The following CADM2 variants were observed in gnomAD, a reference collection of about 807,000 sequenced individuals.
CADM2 encodes the protein cell adhesion molecule 2.
In CADM2, 12 loss-of-function variants were observed where a neutral mutation model predicts 49.8. The ratio of observed to expected loss-of-function variants is 0.24; its 90% CI spans 0.15 to 0.39. CADM2 has a LOEUF of 0.39. CADM2 is among the 10% of genes least tolerant of loss of function. The pLI, the probability that CADM2 is intolerant of heterozygous loss-of-function variation, is 1.00. For synonymous variants in CADM2, 214 were observed against 175.4 expected (o/e 1.22, Z -1.74); for missense variants, 378 against 492.3 (o/e 0.77, Z 2.20).
chr3:85,705,041 T>C (rs1317323790), intron 1 of CADM2, among the ~76,000 whole-genome samples: 1 of 149,726 alleles, frequency 6.7e-6, no homozygotes, highest in Admixed American at 6.6e-5. Flanking sequence ...TTTTTTTTTT[T>C]TTTTTAAATA....
chr3:85,943,719 A>G (rs9713671), intron 7 of CADM2, among the ~76,000 whole-genome samples: 105,502 of 151,602 alleles, frequency 0.7, 38,295 homozygotes, highest in African/African-American at 0.92. Flanking sequence ...CAATGGAACC[A>G]AACAGAGCCC....
intron 1 of CADM2, among the ~76,000 whole-genome samples, chr3:85,058,133 A>C (rs2036162851): frequency 6.6e-6 from 1 of 152,178 alleles, no homozygotes; most frequent in Non-Finnish European, 1.5e-5. Context: ...TATGTAAACT[A>C]TGGGAAAAGT....
intron 2 of CADM2, among the ~76,000 whole-genome samples, chr3:85,769,896 G>A (rs1006696447): frequency 1.4e-4 from 21 of 151,726 alleles, no homozygotes; most frequent in Admixed American, 4.6e-4. Context: ...TTCATTTAGT[G>A]TTTTGATGCT....
At chr3:85,596,173 C>G (rs2063234445) in intron 1 of CADM2, among the ~76,000 whole-genome samples, 1 of 151,304 alleles carries the variant, frequency 6.6e-6, no homozygotes. Flanking sequence ...TATTTTATTA[C>G]TTTATTTTAT....
chr3:85,971,273 T>C (rs1262095951), intron 8 of CADM2, among the ~76,000 whole-genome samples: 1 of 151,632 alleles, frequency 6.6e-6, no homozygotes, highest in Non-Finnish European at 1.5e-5. Context: ...GTATCATTTT[T>C]TGAGTGAAGG....
At chr3:85,778,644 C>T (rs1045517419) in intron 2 of CADM2, among the ~76,000 whole-genome samples, 2 of 152,134 alleles carry the variant, frequency 1.3e-5, no homozygotes, top group African/African-American at 4.8e-5. Flanking sequence ...TCAATTAAAC[C>T]TCTTTCCTTT....
chr3:85,716,952 T>C (rs2067316011), intron 1 of CADM2, among the ~76,000 whole-genome samples: 1 of 152,172 alleles, frequency 6.6e-6, no homozygotes, highest in African/African-American at 2.4e-5. Flanking sequence ...TTTGTTCTTT[T>C]TGATTAGGAT....
intron 1 of CADM2, among the ~76,000 whole-genome samples, chr3:85,470,793 T>C (rs575739752): frequency 2.0e-5 from 3 of 152,262 alleles, no homozygotes; most frequent in Admixed American, 6.5e-5. Flanking sequence ...AGAACATAAC[T>C]TAAAGGAAGG....
At chr3:85,695,051 C>A (rs764695933) in intron 1 of CADM2, among the ~76,000 whole-genome samples, 1 of 152,130 alleles carries the variant, frequency 6.6e-6, no homozygotes, top group South Asian at 2.1e-4. Context: ...TCTAATGTCT[C>A]GTGTTTTTCA....
At chr3:85,194,950 C>A (rs1478712145) in intron 1 of CADM2, among the ~76,000 whole-genome samples, 1 of 152,014 alleles carries the variant, frequency 6.6e-6, no homozygotes, top group African/African-American at 2.4e-5. Flanking sequence ...TAAAGCAATC[C>A]TCCTGCCTCA....
At chr3:85,323,475 G>A (rs2044669537) in intron 1 of CADM2, among the ~76,000 whole-genome samples, 2 of 152,064 alleles carry the variant, frequency 1.3e-5, no homozygotes, top group Admixed American at 1.3e-4. Flanking sequence ...TCCAGATTGT[G>A]TCATAGCTGT....
intron 1 of CADM2, among the ~76,000 whole-genome samples, chr3:85,473,455 C>T (rs1261904337): frequency 6.6e-6 from 1 of 152,006 alleles, no homozygotes; most frequent in Non-Finnish European, 1.5e-5. Context: ...GTGAAATCAT[C>T]TGCATAGTGA....
intron 1 of CADM2, among the ~76,000 whole-genome samples, chr3:85,603,964 A>G (rs879461450): frequency 2.6e-5 from 4 of 152,012 alleles, no homozygotes; most frequent in Admixed American, 6.6e-5. Flanking sequence ...TCATGAAAAT[A>G]TTGAAATTTG....
chr3:85,837,671 A>G (rs936183536), intron 3 of CADM2, among the ~76,000 whole-genome samples: 1 of 151,756 alleles, frequency 6.6e-6, no homozygotes, highest in African/African-American at 2.4e-5. Context: ...CTTTTCTTGA[A>G]AATATCTACA....
chr3:85,156,160 C>G (rs1559693864), intron 1 of CADM2, among the ~76,000 whole-genome samples: 1 of 151,994 alleles, frequency 6.6e-6, no homozygotes, highest in Non-Finnish European at 1.5e-5. Context: ...ACAAAAAGCC[C>G]TTCAAAAAAT....
intron 1 of CADM2, among the ~76,000 whole-genome samples, chr3:85,656,489 A>T (rs2065201053): frequency 6.6e-6 from 1 of 151,918 alleles, no homozygotes; most frequent in Admixed American, 6.6e-5. Context: ...GGTGTCGTGC[A>T]CCTGTAATCC....
At chr3:85,713,346 G>A (rs1176043871) in intron 1 of CADM2, among the ~76,000 whole-genome samples, 2 of 151,992 alleles carry the variant, frequency 1.3e-5, no homozygotes, top group Non-Finnish European at 2.9e-5. Context: ...ACGGGGTTTC[G>A]TCATGTTGGC....
chr3:85,302,266 A>G (rs1162593722), intron 1 of CADM2, among the ~76,000 whole-genome samples: 1 of 151,986 alleles, frequency 6.6e-6, no homozygotes, highest in Non-Finnish European at 1.5e-5. Context: ...GCTTCATTTG[A>G]TTTTTTATTA....
chr3:85,821,750 A>G (rs925415068), intron 3 of CADM2, among the ~76,000 whole-genome samples: 1 of 152,104 alleles, frequency 6.6e-6, no homozygotes, highest in African/African-American at 2.4e-5. Flanking sequence ...TTTGAGGGCC[A>G]TTTTTCTCTA....
Sources: allele counts gnomAD v4.1 joint callset (sites outside exome capture counted in the v4.1 genomes callset), GRCh38; gene constraint gnomAD v4.1.1; transcripts MANE v1.5; gene names NCBI Gene and HGNC (gene_info 2026-07-23, HGNC 2026-07-21).